Variants in CCDC148 observed in about 807,000 individuals in gnomAD.
CCDC148 encodes coiled-coil domain-containing protein 148.
A neutral mutation model predicts 85.7 loss-of-function variants in CCDC148; 89 were observed. The ratio of observed to expected loss-of-function variants is 1.04; its 90% CI spans 0.87 to 1.24. The LOEUF (loss-of-function observed/expected upper bound fraction) is 1.24, where lower values mean the gene tolerates loss of function less well. Among genes scored for constraint, CCDC148 ranks in the 50% most tolerant of loss-of-function variants. The pLI is 0.00. For synonymous variants in CCDC148, 230 were observed against 213.9 expected, an observed-to-expected ratio of 1.08 and a Z score of -0.66; for missense variants, 692 against 671.7, an observed-to-expected ratio of 1.03 and a Z score of -0.33.
chr2:158,291,649 T>C (rs1208437367), intron 9 of CCDC148, among the ~76,000 whole-genome samples: 1 of 152,168 alleles, frequency 6.6e-6, no homozygotes, highest in Non-Finnish European at 1.5e-5. Flanking sequence ...GTAATTCTTA[T>C]ACATATCTCT....
chr2:158,205,373 T>C (rs1259776769), intron 11 of CCDC148, among the ~76,000 whole-genome samples: 1 of 152,104 alleles, frequency 6.6e-6, no homozygotes, highest in Non-Finnish European at 1.5e-5. Flanking sequence ...TGAATATCTC[T>C]ATCTGAGGCA....
chr2:158,318,256 C>T (rs929334548), intron 7 of CCDC148, among the ~76,000 whole-genome samples: 3 of 152,174 alleles, frequency 2.0e-5, no homozygotes, highest in Admixed American at 6.5e-5. Context: ...CCTGGGTATG[C>T]ATCTTCTATT....
chr2:158,267,858 G>A (rs1689537182), intron 9 of CCDC148, among the ~76,000 whole-genome samples: 1 of 152,090 alleles, frequency 6.6e-6, no homozygotes, highest in Non-Finnish European at 1.5e-5. Context: ...TGTAGTCTTT[G>A]TGGTTGGCTT....
At chr2:158,201,901 T>C (rs1685984006) in intron 11 of CCDC148, among the ~76,000 whole-genome samples, 1 of 152,186 alleles carries the variant, frequency 6.6e-6, no homozygotes, top group South Asian at 2.1e-4. Context: ...AAGTACGTAA[T>C]TGTCCTTATT....
At chr2:158,447,078 G>A (rs1180704452) in intron 1 of CCDC148, 2 of 152,110 alleles carry the variant, frequency 1.3e-5, no homozygotes, top group Admixed American at 6.5e-5. Context: ...AAGTCTGTGT[G>A]GACATACATA....
intron 8 of CCDC148, among the ~76,000 whole-genome samples, chr2:158,312,715 A>C (rs1314695675): frequency 1.3e-5 from 2 of 152,200 alleles, no homozygotes; most frequent in Non-Finnish European, 2.9e-5. Flanking sequence ...AATAGGGAAC[A>C]AAAGGAAAGA....
rs1320472270 is a variant in CCDC148, at chr2:158,237,816, G to A, written c.1251+12956C>T. ...ACTGACCCCCACCCTGCCACCCCAG[G>A]AGACTCCAAAGCTTAGAAGATGGAA... On this transcript the variant is annotated intron_variant, in intron 10 of 13. Transcript: ENST00000283233. 2.0e-5 allele frequency among the ~76,000 whole-genome samples: 3 copies of A among 152,134 alleles called. 1 individual carries two copies. Among genetic ancestry groups the A allele is most frequent in the Non-Finnish European group, 4.4e-5 (3 of 68,026 alleles).
intron 7 of CCDC148, among the ~76,000 whole-genome samples, chr2:158,325,408 CACAG>C (rs2105225225): frequency 1.3e-5 from 2 of 152,304 alleles, no homozygotes; most frequent in South Asian, 4.1e-4. Flanking sequence ...TTTCATATCT[CACAG>C]ACATTTTCTC....
intron 2 of CCDC148, among the ~76,000 whole-genome samples, chr2:158,353,254 A>G (rs1050779431): frequency 1.0e-5 from 1 of 99,250 alleles, no homozygotes; most frequent in African/African-American, 4.1e-5. Flanking sequence ...AATGGACTAA[A>G]TTCTCCAATT....
chr2:158,258,350 A>G (rs919120142), intron 9 of CCDC148, among the ~76,000 whole-genome samples: 2 of 151,788 alleles, frequency 1.3e-5, no homozygotes, highest in Admixed American at 1.3e-4. Context: ...TTTTTATGTC[A>G]CCATCATTGA....
At chr2:158,208,227 G>A (rs758289616) in intron 11 of CCDC148, among the ~76,000 whole-genome samples, 3 of 152,200 alleles carry the variant, frequency 2.0e-5, no homozygotes, top group Admixed American at 6.5e-5. Context: ...ATTTTGGGTT[G>A]TAAAAGGTAA....
At chr2:158,266,976 A>G (rs1289927254) in intron 9 of CCDC148, among the ~76,000 whole-genome samples, 2 of 151,520 alleles carry the variant, frequency 1.3e-5, no homozygotes, top group Non-Finnish European at 2.9e-5. Flanking sequence ...ACACATATAT[A>G]TATGTTTCTT....
intron 9 of CCDC148, among the ~76,000 whole-genome samples, chr2:158,288,017 C>CGTTT (rs1322564525): frequency 1.3e-5 from 2 of 152,216 alleles, no homozygotes; most frequent in Non-Finnish European, 2.9e-5. Context: ...CAGGCTTAAA[C>CGTTT]ATTACATAGA....
chr2:158,442,602 G>A (rs1687981529), intron 1 of CCDC148, among the ~76,000 whole-genome samples: 1 of 152,184 alleles, frequency 6.6e-6, no homozygotes. Flanking sequence ...CAGGATGATA[G>A]CAGGAAAAGA....
At chr2:158,350,458 G>A (rs1365987905) in intron 2 of CCDC148, among the ~76,000 whole-genome samples, 1 of 151,878 alleles carries the variant, frequency 6.6e-6, no homozygotes, top group Non-Finnish European at 1.5e-5. Context: ...ACATTTGTTT[G>A]GTATCTTTAT....
intron 1 of CCDC148, among the ~76,000 whole-genome samples, chr2:158,439,474 C>T (rs562322770): frequency 2.6e-5 from 4 of 152,014 alleles, no homozygotes; most frequent in East Asian, 1.9e-4. Context: ...CGAGGCCTGT[C>T]GTGGGGTGGC....
At chr2:158,387,135 C>T (rs1411491445) in intron 1 of CCDC148, among the ~76,000 whole-genome samples, 1 of 152,016 alleles carries the variant, frequency 6.6e-6, no homozygotes, top group Non-Finnish European at 1.5e-5. Flanking sequence ...CAGTCTAGAT[C>T]AAATATTTTT....
chr2:158,362,671 G>C lies in CCDC148; in HGVS notation c.26-4101C>G, dbSNP rs1160173140. On this transcript the variant is annotated intron_variant, in intron 1 of 13. Transcript: ENST00000283233. ...ATCTCTGGGAAACAGCTAAAGCAGT[G>C]TGTAGAGGGAAATTGATAGCACTAA... 3.9e-5 allele frequency among the ~76,000 whole-genome samples: 6 copies of C among 152,304 alleles called. No homozygotes were observed. The East Asian group carries it at 9.7e-4, about 25-fold the overall frequency.
intron 3 of CCDC148, among the ~76,000 whole-genome samples, chr2:158,343,165 A>T (rs1032218757): frequency 5.9e-5 from 9 of 152,146 alleles, no homozygotes; most frequent in Non-Finnish European, 5.9e-5. Flanking sequence ...GACTACTGGT[A>T]TGCACCACCA....
Sources: allele counts gnomAD v4.1 joint callset (sites outside exome capture counted in the v4.1 genomes callset), GRCh38; gene constraint gnomAD v4.1.1; transcripts MANE v1.5; gene names NCBI Gene and HGNC (gene_info 2026-07-23, HGNC 2026-07-21).